The following PTPRG variants were observed in gnomAD, a reference collection of about 807,000 sequenced individuals.
The protein encoded by PTPRG is receptor-type tyrosine-protein phosphatase gamma.
PTPRG carries 102 observed loss-of-function variants against 165.3 expected under a neutral mutation model. That is an observed-to-expected ratio of 0.62 (90% CI 0.53 to 0.73). The LOEUF (loss-of-function observed/expected upper bound fraction) is 0.73. PTPRG is among the 30% of genes least tolerant of loss of function. The probability of loss-of-function intolerance (pLI) is 0.00; values close to 1 mark genes in which losing one functional copy is unlikely to be tolerated. For missense variants in PTPRG, 1,866 were observed against 1,861.4 expected (o/e 1.00, Z -0.05); for synonymous variants, 675 against 669.5 (o/e 1.01, Z -0.13).
chr3:61,956,212 G>A (rs992596243), intron 2 of PTPRG, among the ~76,000 whole-genome samples: 7 of 151,782 alleles, frequency 4.6e-5, no homozygotes, highest in Admixed American at 3.3e-4. Context: ...TTTTCATTCC[G>A]TTAATTACTT....
intron 12 of PTPRG, among the ~76,000 whole-genome samples, chr3:62,206,264 G>T (rs1253134973): frequency 1.3e-5 from 2 of 152,070 alleles, no homozygotes; most frequent in African/African-American, 4.8e-5. Context: ...GCAAACTTTG[G>T]GGGCTCCCTA....
At chr3:61,774,606 C>G (rs1483720007) in intron 2 of PTPRG, among the ~76,000 whole-genome samples, 1 of 152,210 alleles carries the variant, frequency 6.6e-6, no homozygotes, top group Non-Finnish European at 1.5e-5. Flanking sequence ...GTTTAAAAGG[C>G]TGGATGTGTC....
intron 2 of PTPRG, among the ~76,000 whole-genome samples, chr3:61,755,748 G>A (rs766063390): frequency 7.2e-5 from 11 of 152,304 alleles, no homozygotes; most frequent in African/African-American, 2.2e-4. Flanking sequence ...GCATGTGGTC[G>A]GGTGGAGAAA....
At chr3:61,842,249 C>A (rs2036659368) in intron 2 of PTPRG, among the ~76,000 whole-genome samples, 2 of 152,168 alleles carry the variant, frequency 1.3e-5, no homozygotes, top group African/African-American at 4.8e-5. Context: ...CACTCAGCAG[C>A]AATAACGTTT....
rs1397489313 is a variant in PTPRG, at chr3:61,949,079, A to G, written c.191-40546A>G. Among the ~76,000 whole-genome samples the G allele has an allele frequency of 2.0e-5, 3 of 151,552 alleles. 1 individual carries two copies. The East Asian group carries it at 5.8e-4, about 29-fold the overall frequency. On this transcript the variant is annotated intron_variant, in intron 2 of 29. Transcript: ENST00000474889. ...AAAAGCCATGGGACCTTAGCATGTGATGGCTTTTAATGGGAATGCTCAGAT... is the reference window on the plus strand; with the variant it reads ...AAAAGCCATGGGACCTTAGCATGTGGTGGCTTTTAATGGGAATGCTCAGAT...
chr3:62,118,006 C>T (rs573709832), intron 5 of PTPRG, among the ~76,000 whole-genome samples: 10 of 152,132 alleles, frequency 6.6e-5, no homozygotes, highest in African/African-American at 2.2e-4. Context: ...TGCCTGGCAT[C>T]GTGTGAAGTA....
chr3:61,786,399 G>A (rs955980164), intron 2 of PTPRG, among the ~76,000 whole-genome samples: 11 of 152,148 alleles, frequency 7.2e-5, no homozygotes, highest in East Asian at 1.9e-4. Flanking sequence ...GTATTTGGCC[G>A]TGGCTTGACT....
chr3:61,690,654 G>T (rs2030140319), intron 1 of PTPRG, among the ~76,000 whole-genome samples: 1 of 152,166 alleles, frequency 6.6e-6, no homozygotes, highest in African/African-American at 2.4e-5. Context: ...TCAAGGCCAG[G>T]ATTGTGCCAT....
intron 12 of PTPRG, among the ~76,000 whole-genome samples, chr3:62,208,945 C>T (rs544475438): frequency 6.6e-6 from 1 of 152,300 alleles, no homozygotes; most frequent in African/African-American, 2.4e-5. Context: ...AAGGAACGTG[C>T]CCAGAGCCAC....
intron 3 of PTPRG, among the ~76,000 whole-genome samples, chr3:62,000,379 G>T (rs1414453204): frequency 4.0e-5 from 6 of 151,882 alleles, no homozygotes; most frequent in Non-Finnish European, 7.4e-5. Flanking sequence ...GGCAGACTTC[G>T]GTGCCAGATT....
intron 1 of PTPRG, among the ~76,000 whole-genome samples, chr3:61,636,667 A>G (rs943088973): frequency 6.6e-6 from 1 of 152,076 alleles, no homozygotes; most frequent in Admixed American, 6.5e-5. Context: ...ATAAAAGTCC[A>G]CTCTATGGAT....
rs751667692 is a variant in PTPRG at position 61,995,046 on chromosome 3, GT to G, written c.370+5252del. Among the ~76,000 whole-genome samples the G allele has an allele frequency of 2.0e-3, 250 of 126,690 alleles. 2 individuals carry two copies. Among genetic ancestry groups the G allele is most frequent in the African/African-American group, 7.2e-3 (231 of 32,186 alleles). 83.1% of individuals were successfully genotyped at this position (126,690 alleles called of 152,430 possible). The stretch of plus-strand genomic sequence containing the variant: ...ACCACTTTAGATGGGTACCTTACAG[GT>G]TTTTTTTTTCTTTTTTCTTTTTTCT... On this transcript the variant is annotated intron_variant, in intron 3 of 29. Coordinates refer to ENST00000474889, the MANE Select transcript of PTPRG (RefSeq NM_002841.4).
At chr3:61,589,785 A>G (rs189447706) in intron 1 of PTPRG, among the ~76,000 whole-genome samples, 2 of 151,980 alleles carry the variant, frequency 1.3e-5, no homozygotes, top group South Asian at 4.2e-4. Flanking sequence ...AGATGGGTGG[A>G]TGGATAGGTG....
Position 62,217,243 on chromosome 3 carries a change from G to C in PTPRG, c.2156-1608G>C, listed in dbSNP as rs545109838. On this transcript the variant is annotated intron_variant, in intron 12 of 29. Transcript: ENST00000474889. The surrounding 1 kb of genome is among the most constrained non-coding windows in gnomAD (Gnocchi z 4.3). ...CACTTTATAAATGGCAAAGTGCTCT[G>C]TGGAGGTTTTTAATCAGAGTGTGCT... Among the ~76,000 whole-genome samples, 19 of 152,332 alleles carry C rather than the reference G, an allele frequency of 1.2e-4. No homozygotes were observed. In the South Asian group the frequency reaches 3.7e-3, roughly 30 times the overall value.
intron 4 of PTPRG, among the ~76,000 whole-genome samples, chr3:62,039,562 TG>T (rs1559761274): frequency 6.6e-6 from 1 of 152,236 alleles, no homozygotes; most frequent in Admixed American, 6.5e-5. Flanking sequence ...TACAGAAATA[TG>T]AACTTCAGTT....
At chr3:61,672,000 A>AGGGGCTCCTCACTTCTCG (rs1703017470) in intron 1 of PTPRG, among the ~76,000 whole-genome samples, 1 of 37,956 alleles carries the variant, frequency 2.6e-5, no homozygotes. Flanking sequence ...CTCACTTCTC[A>AGGGGCTCCTCACTTCTCG]GACGGGGCGG....
At chr3:61,698,995 G>A (rs2030778206) in intron 1 of PTPRG, among the ~76,000 whole-genome samples, 2 of 151,710 alleles carry the variant, frequency 1.3e-5, no homozygotes, top group Non-Finnish European at 2.9e-5. Flanking sequence ...ACAGGAAGGG[G>A]AACATCACAC....
intron 15 of PTPRG, among the ~76,000 whole-genome samples, chr3:62,251,959 C>G (rs577946693): frequency 2.0e-4 from 31 of 152,274 alleles, no homozygotes; most frequent in South Asian, 1.9e-3. Flanking sequence ...CCCTGGTAAC[C>G]AGTAAGGGCT....
chr3:61,655,521 C>T (rs547338894), intron 1 of PTPRG, among the ~76,000 whole-genome samples: 298 of 152,298 alleles, frequency 2.0e-3, no homozygotes, highest in Non-Finnish European at 3.4e-3. Flanking sequence ...GGCAGTTATA[C>T]TCAGTTGTAA....
Sources: gnomAD v4.1 joint callset for allele counts (sites outside exome capture counted in the v4.1 genomes callset) on GRCh38, gnomAD v4.1.1 for gene constraint, Gnocchi (gnomAD v3.1) non-coding constraint, MANE v1.5 for transcripts, NCBI Gene and HGNC (gene_info 2026-07-23, HGNC 2026-07-21) for gene names.